Variants in ERO1A observed in about 807,000 individuals in gnomAD.
The protein encoded by ERO1A is endoplasmic reticulum oxidoreductase 1 alpha.
A neutral mutation model predicts 76.9 loss-of-function variants in ERO1A; 49 were observed. That is an observed-to-expected ratio of 0.64 (90% CI 0.51 to 0.81). The LOEUF is 0.81. Ranked by LOEUF, ERO1A falls within the 30% of genes least tolerant of loss-of-function variation. The pLI is 0.00. For missense variants in ERO1A, 448 were observed against 542.1 expected, an observed-to-expected ratio of 0.83 and a Z score of 1.72; for synonymous variants, 174 against 181.2, an observed-to-expected ratio of 0.96 and a Z score of 0.32.
At chr14:52,669,672 T>C (rs914029325) in intron 6 of ERO1A, among the ~76,000 whole-genome samples, 6 of 152,138 alleles carry the variant, frequency 3.9e-5, no homozygotes, top group East Asian at 1.9e-4. Flanking sequence ...GTGAAACATA[T>C]ACTCACACTA....
intron 4 of ERO1A, chr14:52,678,205 A>G (rs948365705): frequency 9.2e-6 from 3 of 326,630 alleles, no homozygotes; most frequent in African/African-American, 6.4e-5. Flanking sequence ...CGGAGGTTGC[A>G]GTGAGCCAAG....
chr14:52,662,213 C>T (rs1045361233), intron 8 of ERO1A, among the ~76,000 whole-genome samples: 4 of 152,138 alleles, frequency 2.6e-5, no homozygotes, highest in Admixed American at 1.3e-4. Flanking sequence ...TGGTAAGTGA[C>T]GTGGTTAATT....
At chr14:52,673,120 C>CG (rs1214017023) in intron 4 of ERO1A, among the ~76,000 whole-genome samples, 1 of 151,738 alleles carries the variant, frequency 6.6e-6, no homozygotes, top group Non-Finnish European at 1.5e-5. Flanking sequence ...GAAAGGGTCT[C>CG]GCTCTGTCGC....
chr14:52,667,531 G>T (rs2040452762), intron 6 of ERO1A, among the ~76,000 whole-genome samples: 1 of 152,036 alleles, frequency 6.6e-6, no homozygotes, highest in Non-Finnish European at 1.5e-5. Context: ...AAATTCACAG[G>T]CAACCTGGTG....
Position 52,642,721 on chromosome 14 carries a change from A to G in ERO1A, c.*849T>C, listed in dbSNP as rs1191672706. The G allele has an allele frequency of 6.6e-6, 1 of 152,586 alleles. No individual in the cohort carries two copies. The highest frequency in any genetic ancestry group is 6.6e-5 in the Admixed American group (1 of 15,262). The allele number at this position is 152,586 out of a possible 1,614,324, so 9.5% of individuals were successfully genotyped here. ...GAATCTGGGTAAGAGAGCTCTTTGT[A>G]CTATTTTTGAAACTTTTCTGTAAAT... is the stretch of plus-strand genomic sequence containing the variant. On this transcript the variant is annotated 3_prime_UTR_variant, in exon 16 of 16. Transcript: ENST00000395686.
At chr14:52,677,682 G>C (rs1321318525) in intron 4 of ERO1A, among the ~76,000 whole-genome samples, 1 of 151,292 alleles carries the variant, frequency 6.6e-6, no homozygotes, top group African/African-American at 2.4e-5. Context: ...AACATGGCAA[G>C]ACTCTATCTC....
In ERO1A at chr14:52,653,061, T is replaced by C. The variant is rs1409167550; in HGVS notation, c.1055+8A>G. The C allele has an allele frequency of 3.4e-6, 5 of 1,474,446 alleles. No homozygotes were observed. Among genetic ancestry groups the C allele is most frequent in the East Asian group, 2.3e-5 (1 of 43,142 alleles). The allele number at this position is 1,474,446 out of a possible 1,614,324, so 91.3% of individuals were successfully genotyped here. ...CTATTAATGTATAAAGTTTAATATA[T>C]AATTTACTTGATTTCATGAAGTATT... is the stretch of plus-strand genomic sequence containing the variant. On this transcript the variant is annotated splice_region_variant and intron_variant, in intron 12 of 15. Transcript: ENST00000395686.
At chr14:52,670,545 C>A (rs147142091) in intron 6 of ERO1A, among the ~76,000 whole-genome samples, 2 of 152,184 alleles carry the variant, frequency 1.3e-5, no homozygotes, top group Non-Finnish European at 2.9e-5. Flanking sequence ...GTGCCACGAT[C>A]AGAGTTTTAA....
intron 13 of ERO1A, among the ~76,000 whole-genome samples, chr14:52,650,418 A>C (rs2039816434): frequency 6.6e-6 from 1 of 151,656 alleles, no homozygotes; most frequent in Non-Finnish European, 1.5e-5. Flanking sequence ...AGTAAGAGGT[A>C]CTAACTTTAT....
At chr14:52,691,096 G>A in intron 1 of ERO1A, among the ~76,000 whole-genome samples, 1 of 152,200 alleles carries the variant, frequency 6.6e-6, no homozygotes, top group Non-Finnish European at 1.5e-5. Flanking sequence ...TGTCAATAAA[G>A]GTGGAGAGAA....
intron 13 of ERO1A, among the ~76,000 whole-genome samples, chr14:52,649,262 A>T (rs146424147): frequency 6.6e-6 from 1 of 152,300 alleles, no homozygotes; most frequent in East Asian, 1.9e-4. Flanking sequence ...TTCAAATGAG[A>T]TCGTATTCTA....
At chr14:52,663,498 G>A (rs1355582250) in intron 8 of ERO1A, among the ~76,000 whole-genome samples, 1 of 151,672 alleles carries the variant, frequency 6.6e-6, no homozygotes, top group African/African-American at 2.4e-5. Context: ...TACTGAGGAG[G>A]CTGCGGCAGG....
intron 7 of ERO1A, among the ~76,000 whole-genome samples, chr14:52,665,022 T>C (rs2040362596): frequency 1.3e-5 from 2 of 150,630 alleles, no homozygotes; most frequent in South Asian, 4.2e-4. Flanking sequence ...TCCCAGCACT[T>C]TGGGCATGGT....
chr14:52,683,702 C>G, intron 2 of ERO1A, 86 bp downstream of exon 2: 1 of 603,808 alleles, frequency 1.7e-6, no homozygotes, highest in Non-Finnish European at 2.6e-6. Context: ...TAAATAACAA[C>G]TACAATTTTG....
chr14:52,682,982 T>G (rs1476484966), intron 2 of ERO1A, among the ~76,000 whole-genome samples: 11 of 149,458 alleles, frequency 7.4e-5, no homozygotes, highest in Admixed American at 7.3e-4. Flanking sequence ...CCAAGGCAGG[T>G]GGGTTACCTG....
At chr14:52,681,686 T>C (rs1464623588) in intron 3 of ERO1A, among the ~76,000 whole-genome samples, 1 of 152,178 alleles carries the variant, frequency 6.6e-6, no homozygotes, top group Non-Finnish European at 1.5e-5. Flanking sequence ...AAAATATTTT[T>C]AAAACTCTAT....
intron 7 of ERO1A, among the ~76,000 whole-genome samples, chr14:52,665,588 T>C (rs866312300): frequency 4.6e-5 from 7 of 152,118 alleles, no homozygotes; most frequent in Non-Finnish European, 1.0e-4. Flanking sequence ...CCCAGAACTC[T>C]CTCCATCTCT....
intron 9 of ERO1A, 146 bp downstream of exon 9, chr14:52,661,147 T>A (rs1169634993): frequency 2.8e-6 from 1 of 357,662 alleles, no homozygotes; most frequent in Non-Finnish European, 5.2e-6. Flanking sequence ...TAATCTGTGC[T>A]AGTACCTCCA....
chr14:52,682,116 G>A (rs1407367356), intron 3 of ERO1A, among the ~76,000 whole-genome samples: 1 of 152,132 alleles, frequency 6.6e-6, no homozygotes, highest in African/African-American at 2.4e-5. Context: ...GTAATGGGCT[G>A]GGTGCAGTGG....
Sources: gnomAD v4.1 joint callset for allele counts (sites outside exome capture counted in the v4.1 genomes callset) on GRCh38, gnomAD v4.1.1 for gene constraint, MANE v1.5 for transcripts, NCBI Gene and HGNC (gene_info 2026-07-23, HGNC 2026-07-21) for gene names.